FAM241A: variants seen among roughly 807,000 people sequenced by gnomAD.
The protein encoded by FAM241A is family with sequence similarity 241 member A, also known as uncharacterized protein FAM241A.
FAM241A carries 7 observed loss-of-function variants against 12.2 expected under a neutral mutation model. The ratio of observed to expected loss-of-function variants is 0.58; its 90% confidence interval spans 0.33 to 1.08. The LOEUF (loss-of-function observed/expected upper bound fraction) is 1.08, where lower values mean the gene tolerates loss of function less well. Ranked by LOEUF, FAM241A falls within the 50% of genes least tolerant of loss-of-function variation. FAM241A has a pLI of 0.04. For missense variants in FAM241A, 161 were observed against 169.7 expected (o/e 0.95, Z 0.29); for synonymous variants, 74 against 68.2 (o/e 1.08, Z -0.42).
rs540702553 is a variant in FAM241A, at chr4:112,191,452, C to T, written c.*4514C>T. The T allele has an allele frequency of 6.6e-6, 1 of 152,308 alleles. No homozygotes were observed. The highest frequency in any genetic ancestry group is 1.9e-4 in the East Asian group (1 of 5,190). The allele number at this position is 152,308 out of a possible 1,614,324, so 9.4% of individuals were successfully genotyped here. ...CTTTCTGTTTTCGTTATGATAAAGTCCTTATGCCTTAATATGTTTTACAAG... is the reference window on the plus strand; with the variant it reads ...CTTTCTGTTTTCGTTATGATAAAGTTCTTATGCCTTAATATGTTTTACAAG... On this transcript the variant is annotated 3_prime_UTR_variant, in exon 2 of 2. Coordinates refer to ENST00000309733, the MANE Select transcript of FAM241A (RefSeq NM_152400.3).
chr4:112,182,111 G>A (rs1274546563), intron 1 of FAM241A, among the ~76,000 whole-genome samples: 1 of 152,192 alleles, frequency 6.6e-6, no homozygotes, highest in African/African-American at 2.4e-5. Context: ...TGAGCTGGAT[G>A]TGGGTCATGG....
chr4:112,180,575 T>C (rs986718692), intron 1 of FAM241A, among the ~76,000 whole-genome samples: 1 of 152,194 alleles, frequency 6.6e-6, no homozygotes, highest in Admixed American at 6.5e-5. Flanking sequence ...TTTCAGTTCA[T>C]TGCTGACTGA....
intron 1 of FAM241A, among the ~76,000 whole-genome samples, chr4:112,152,616 C>A (rs948478928): frequency 6.6e-6 from 1 of 152,158 alleles, no homozygotes; most frequent in Non-Finnish European, 1.5e-5. Flanking sequence ...CATCTCCTTT[C>A]TGTCTCTGTT....
At chr4:112,157,828 T>C (rs1472572715) in intron 1 of FAM241A, among the ~76,000 whole-genome samples, 1 of 152,110 alleles carries the variant, frequency 6.6e-6, no homozygotes, top group Admixed American at 6.5e-5. Context: ...TCCCAATTGC[T>C]TGTTCATGTC....
chr4:112,173,478 T>TA (rs757256920), intron 1 of FAM241A, among the ~76,000 whole-genome samples: 2 of 152,170 alleles, frequency 1.3e-5, no homozygotes, highest in African/African-American at 2.4e-5. Flanking sequence ...AATTACCAGC[T>TA]AAAGTACATG....
intron 1 of FAM241A, among the ~76,000 whole-genome samples, chr4:112,183,566 T>G (rs535217590): frequency 2.0e-5 from 3 of 151,692 alleles, no homozygotes; most frequent in African/African-American, 7.3e-5. Context: ...CACATCCAGA[T>G]TAGGGTACTT....
At chr4:112,155,166 A>G (rs929038968) in intron 1 of FAM241A, among the ~76,000 whole-genome samples, 7 of 152,098 alleles carry the variant, frequency 4.6e-5, no homozygotes, top group Admixed American at 4.6e-4. Flanking sequence ...TTGCATAACC[A>G]TTTCTTTCTC....
intron 1 of FAM241A, among the ~76,000 whole-genome samples, chr4:112,186,354 G>A (rs1016852533): frequency 2.0e-5 from 3 of 152,070 alleles, no homozygotes; most frequent in South Asian, 2.1e-4. Flanking sequence ...TCTGAGGCTC[G>A]GTTTCTTAAC....
At chr4:112,171,453 A>G in intron 1 of FAM241A, 1 of 778,758 alleles carries the variant, frequency 1.3e-6, no homozygotes, top group African/African-American at 1.7e-5. Flanking sequence ...ATCTAAGAGA[A>G]TGCTGGCTAT....
chr4:112,149,152 T>C (rs1723197158), intron 1 of FAM241A, among the ~76,000 whole-genome samples: 1 of 152,110 alleles, frequency 6.6e-6, no homozygotes, highest in African/African-American at 2.4e-5. Context: ...TATATTCATT[T>C]GTCTATGTGT....
At position 112,177,069 on chromosome 4, in the gene FAM241A, T is replaced by TC. The variant is rs60783826; in HGVS notation, c.154-9623dup. Among the ~76,000 whole-genome samples the TC allele has an allele frequency of 3.3e-4, 51 of 152,330 alleles. No individual in the cohort carries two copies. The South Asian group carries it at 9.9e-3, about 30-fold the overall frequency. On this transcript the variant is annotated intron_variant, in intron 1 of 1. Transcript: ENST00000309733. ...CTTCATTCTTGCCGAGCCTTTTTTTTCACATTTGAATCTGAATTCATTACT... is the reference window on the plus strand; with the variant it reads ...CTTCATTCTTGCCGAGCCTTTTTTTTCCACATTTGAATCTGAATTCATTACT...
At chr4:112,185,296 A>T (rs1724016046) in intron 1 of FAM241A, among the ~76,000 whole-genome samples, 1 of 152,168 alleles carries the variant, frequency 6.6e-6, no homozygotes. Flanking sequence ...AAGATAATTT[A>T]ATATAAGTAA....
rs886406457 is a variant in FAM241A, at chr4:112,187,137, T to C, written c.*199T>C. 6.9e-6 allele frequency: 4 copies of C among 578,900 alleles called. No homozygotes were observed. Among genetic ancestry groups the C allele is most frequent in the Non-Finnish European group, 1.2e-5 (4 of 334,990 alleles). 35.9% of individuals were successfully genotyped at this position (578,900 alleles called of 1,614,324 possible). A position where few individuals can be genotyped will look rare whatever the true frequency, so the allele number is the denominator to read the frequency against. ...CAGGGTTGAATATATATTTTGAATA[T>C]ACATTAGCTTATTCAAAACTCTTGT... On this transcript the variant is annotated 3_prime_UTR_variant, in exon 2 of 2. Coordinates refer to ENST00000309733, the MANE Select transcript of FAM241A (RefSeq NM_152400.3).
At chr4:112,171,652 GA>G (rs1181580064) in intron 1 of FAM241A, 5 of 487,408 alleles carry the variant, frequency 1.0e-5, no homozygotes, top group Non-Finnish European at 1.9e-5. Flanking sequence ...GAGGTTAGGA[GA>G]TCGAGACTAT....
intron 1 of FAM241A, among the ~76,000 whole-genome samples, chr4:112,147,314 A>C (rs1178457918): frequency 1.3e-5 from 2 of 151,108 alleles, no homozygotes. Context: ...TATTTTTATC[A>C]TTCTGTTTTT....
rs1724054925 is a variant in FAM241A at position 112,186,918 on chromosome 4, A to G, written c.379A>G (p.Ile127Val). The G allele has an allele frequency of 6.2e-7, 1 of 1,613,534 alleles. No homozygotes were observed. Among genetic ancestry groups the G allele is most frequent in the Non-Finnish European group, 8.5e-7 (1 of 1,179,770 alleles). Residue 127 changes from isoleucine (I) to valine (V), a missense_variant, in exon 2 of 2, where the codon ATT becomes GTT. By Grantham distance (29) the Ile-to-Val change is conservative. Coordinates refer to ENST00000309733, the MANE Select transcript of FAM241A (RefSeq NM_152400.3). Reference sequence around the variant, plus strand: ...ACTAGTTGCTGTTCTTTGCCTTGTTATTATTTATGTGCAACAGTAAAACAT... The same window carrying G: ...ACTAGTTGCTGTTCTTTGCCTTGTTGTTATTTATGTGCAACAGTAAAACAT... ...LGLVAVLCLV[I>V]IYVQQ
intron 1 of FAM241A, among the ~76,000 whole-genome samples, chr4:112,185,672 A>G (rs369577421): frequency 2.3e-4 from 35 of 152,314 alleles, no homozygotes; most frequent in African/African-American, 8.4e-4. Flanking sequence ...CTCTGAGTTC[A>G]GAGGAGGGAG....
At position 112,189,865 on chromosome 4, in the gene FAM241A, C is replaced by G. The variant is rs62313749; in HGVS notation, c.*2927C>G. ...ATCAGATCTTTTTTTTTTTTTTTTC[C>G]TTGAAAGCCAGCTGTTAAACATACA... On this transcript the variant is annotated 3_prime_UTR_variant, in exon 2 of 2. Coordinates refer to ENST00000309733, the MANE Select transcript of FAM241A (RefSeq NM_152400.3). 7.2e-6 allele frequency: 1 copy of G among 139,192 alleles called. No homozygotes were observed. Among genetic ancestry groups the G allele is most frequent in the African/African-American group, 2.7e-5 (1 of 36,374 alleles). 8.6% of individuals were successfully genotyped at this position (139,192 alleles called of 1,614,324 possible). A position where few individuals can be genotyped will look rare whatever the true frequency, so the allele number is the denominator to read the frequency against.
In FAM241A at chr4:112,158,060, C is replaced by T. The variant is rs528031117; in HGVS notation, c.153+12327C>T. Among the ~76,000 whole-genome samples, 14 of 151,882 alleles carry T rather than the reference C, an allele frequency of 9.2e-5. No homozygotes were observed. The South Asian group carries it at 2.1e-3, about 23-fold the overall frequency. ...AATGTAAAACACTTGAGAAAAATTA[C>T]GTAAAGAAAAAAATAGATATCAAAC... On this transcript the variant is annotated intron_variant, in intron 1 of 1. Coordinates refer to ENST00000309733, the MANE Select transcript of FAM241A (RefSeq NM_152400.3).
Sources: gnomAD v4.1 joint callset for allele counts (sites outside exome capture counted in the v4.1 genomes callset) on GRCh38, gnomAD v4.1.1 for gene constraint, MANE v1.5 for transcripts, NCBI Gene and HGNC (gene_info 2026-07-23, HGNC 2026-07-21) for gene names.